The following NETO2 variants were observed in gnomAD, a reference collection of about 807,000 sequenced individuals.
NETO2 encodes neuropilin and tolloid-like protein 2.
Under a neutral mutation model 62.5 loss-of-function variants are expected in NETO2, and 28 were observed. That is an observed-to-expected ratio of 0.45 (90% CI 0.33 to 0.61). The LOEUF (loss-of-function observed/expected upper bound fraction) is 0.61, where lower values mean the gene tolerates loss of function less well. Among genes scored for constraint, NETO2 ranks in the 20% least tolerant of loss-of-function variants. NETO2 has a pLI of 0.02. For missense variants in NETO2, 548 were observed against 643.2 expected (o/e 0.85, Z 1.60); for synonymous variants, 214 against 219.1 (o/e 0.98, Z 0.21).
chr16:47,099,246 CAGACA>C (rs1246295440), intron 7 of NETO2, among the ~76,000 whole-genome samples: 1 of 152,170 alleles, frequency 6.6e-6, no homozygotes, highest in Non-Finnish European at 1.5e-5. Flanking sequence ...AAATCCTTTA[CAGACA>C]AGCAAATGCT....
intron 2 of NETO2, among the ~76,000 whole-genome samples, chr16:47,131,679 C>T (rs1022526824): frequency 1.3e-5 from 2 of 152,138 alleles, no homozygotes; most frequent in African/African-American, 4.8e-5. Context: ...TTTATTTTTG[C>T]TTAGTGATAA....
chr16:47,113,347 C>T (rs1265101785), intron 6 of NETO2, among the ~76,000 whole-genome samples: 1 of 152,156 alleles, frequency 6.6e-6, no homozygotes, highest in African/African-American at 2.4e-5. Flanking sequence ...TTCTCTTGTG[C>T]TGTCACTGTG....
intron 7 of NETO2, among the ~76,000 whole-genome samples, chr16:47,096,924 A>T (rs1413219498): frequency 6.6e-6 from 1 of 152,168 alleles, no homozygotes; most frequent in Non-Finnish European, 1.5e-5. Context: ...TCACTTGGGA[A>T]GCTCAAGGGG....
At chr16:47,096,509 A>G (rs1963430284) in intron 7 of NETO2, among the ~76,000 whole-genome samples, 1 of 152,194 alleles carries the variant, frequency 6.6e-6, no homozygotes, top group African/African-American at 2.4e-5. Context: ...AGTGAATACT[A>G]AGAACAACTG....
intron 6 of NETO2, among the ~76,000 whole-genome samples, chr16:47,120,408 TTA>T (rs1964012273): frequency 1.3e-5 from 2 of 152,206 alleles, no homozygotes; most frequent in Admixed American, 1.3e-4. Flanking sequence ...CTATATGTAT[TTA>T]TAGGGTACAT....
intron 6 of NETO2, among the ~76,000 whole-genome samples, chr16:47,116,252 C>G (rs752999119): frequency 6.6e-6 from 1 of 151,562 alleles, no homozygotes; most frequent in African/African-American, 2.4e-5. Context: ...TCCTTAACAG[C>G]TGGAACTATG....
chr16:47,142,023 C>A (rs1361214998), intron 1 of NETO2, among the ~76,000 whole-genome samples: 2 of 152,194 alleles, frequency 1.3e-5, no homozygotes, highest in African/African-American at 4.8e-5. Context: ...CGGGGGTGCT[C>A]TCGGATGCAC....
At chr16:47,101,185 A>G (rs767349270) in intron 7 of NETO2, among the ~76,000 whole-genome samples, 1 of 152,198 alleles carries the variant, frequency 6.6e-6, no homozygotes, top group African/African-American at 2.4e-5. Flanking sequence ...GAGAAAAACC[A>G]CATTATTATC....
intron 1 of NETO2, among the ~76,000 whole-genome samples, chr16:47,132,731 A>T (rs1201352810): frequency 6.6e-6 from 1 of 152,212 alleles, no homozygotes; most frequent in Admixed American, 6.5e-5. Context: ...GTCCCGAACT[A>T]CTGCGTGAAC....
chr16:47,078,205 G>T lies in NETO2; in HGVS notation c.*5016C>A, dbSNP rs1320050995. On this transcript the variant is annotated 3_prime_UTR_variant, in exon 9 of 9. Coordinates refer to ENST00000562435, the MANE Select transcript of NETO2 (RefSeq NM_018092.5). Reference sequence around the variant, plus strand: ...GATTATTGTATTTTGGAAGCTAGTGGATAGGAAATGCCAACTTTGCCCCGG... The same window carrying T: ...GATTATTGTATTTTGGAAGCTAGTGTATAGGAAATGCCAACTTTGCCCCGG... 1 of 152,208 alleles carries T rather than the reference G, an allele frequency of 6.6e-6. No homozygotes were observed. Among genetic ancestry groups the T allele is most frequent in the Admixed American group, 6.5e-5 (1 of 15,288 alleles). The allele number at this position is 152,208 out of a possible 1,614,324, so 9.4% of individuals were successfully genotyped here.
chr16:47,097,995 C>A (rs946018320), intron 7 of NETO2, among the ~76,000 whole-genome samples: 1 of 152,102 alleles, frequency 6.6e-6, no homozygotes, highest in Non-Finnish European at 1.5e-5. Flanking sequence ...ATAAAATGGG[C>A]GTCCACACAT....
Position 47,143,754 on chromosome 16 carries a change from C to G in NETO2, c.-142G>C, listed in dbSNP as rs978060010. On this transcript the variant is annotated 5_prime_UTR_variant, in exon 1 of 9. Coordinates refer to ENST00000562435, the MANE Select transcript of NETO2 (RefSeq NM_018092.5). ...TGCCTCCCCGCTCCCCTGAGGAGAG[C>G]TCAGGTCCTGCGGCCCGCCATGCCC... is the stretch of plus-strand genomic sequence containing the variant. The G allele has an allele frequency of 3.6e-6, 4 of 1,109,520 alleles. No homozygotes were observed. The highest frequency in any genetic ancestry group is 4.5e-6 in the Non-Finnish European group (4 of 884,486). The allele number at this position is 1,109,520 out of a possible 1,614,324, so 68.7% of individuals were successfully genotyped here.
intron 4 of NETO2, among the ~76,000 whole-genome samples, chr16:47,123,796 C>G (rs904931114): frequency 2.6e-5 from 4 of 152,296 alleles, no homozygotes; most frequent in Admixed American, 6.5e-5. Flanking sequence ...TTCCCGGGTT[C>G]AAGCAATTCT....
At chr16:47,122,618 T>C (rs977803408) in intron 6 of NETO2, 39 bp downstream of exon 6, 10 of 1,598,026 alleles carry the variant, frequency 6.3e-6, no homozygotes, top group Admixed American at 1.8e-5. Context: ...TGCCTTATCA[T>C]GATGTTCTTC....
chr16:47,120,779 C>T (rs1964021355), intron 6 of NETO2, among the ~76,000 whole-genome samples: 1 of 152,154 alleles, frequency 6.6e-6, no homozygotes, highest in South Asian at 2.1e-4. Flanking sequence ...ACTATTTTCT[C>T]TATTGTTTAA....
At chr16:47,095,946 A>T (rs1963419769) in intron 7 of NETO2, among the ~76,000 whole-genome samples, 3 of 152,202 alleles carry the variant, frequency 2.0e-5, no homozygotes, top group African/African-American at 7.2e-5. Context: ...AAATGACTGA[A>T]ATATAAAATT....
Position 47,080,284 on chromosome 16 carries a change from A to T in NETO2, c.*2937T>A, listed in dbSNP as rs759837075. 11 of 152,222 alleles carry T rather than the reference A, an allele frequency of 7.2e-5. No homozygotes were observed. The highest frequency in any genetic ancestry group is 1.2e-4 in the Non-Finnish European group (8 of 68,046). 9.4% of individuals were successfully genotyped at this position (152,222 alleles called of 1,614,324 possible). A position where few individuals can be genotyped will look rare whatever the true frequency, so the allele number is the denominator to read the frequency against. On this transcript the variant is annotated 3_prime_UTR_variant, in exon 9 of 9. Coordinates refer to ENST00000562435, the MANE Select transcript of NETO2 (RefSeq NM_018092.5). ...GATGGAAGATAATGGTGACAGTATT[A>T]TACAGGTATACTTAATGCTGTTTCT...
At chr16:47,100,308 A>G (rs1246698270) in intron 7 of NETO2, among the ~76,000 whole-genome samples, 2 of 152,190 alleles carry the variant, frequency 1.3e-5, no homozygotes, top group Non-Finnish European at 2.9e-5. Context: ...CAGCTAAAGC[A>G]GTGTTTAGAG....
At position 47,109,506 on chromosome 16, in the gene NETO2, A is replaced by G. The variant is rs1963744390; in HGVS notation, c.860T>C (p.Met287Thr). 1 of 1,613,966 alleles carries G rather than the reference A, an allele frequency of 6.2e-7. No homozygotes were observed. The highest frequency in any genetic ancestry group is 1.6e-4 in the Middle Eastern group (1 of 6,062). ...DEGSRLSRFR[M>T]LFTSFVEPPC... ...ACGCTCCACAAAGGAAGTAAAGAGC[A>G]TTCGAAACCTGCTAAGCCGACTACC... The change falls in exon 7 of 9, where the codon ATG (methionine) becomes ACG (threonine). Residue 287 changes from methionine to threonine, a missense_variant. By Grantham distance (81) the Met-to-Thr change is moderately conservative. Coordinates refer to ENST00000562435, the MANE Select transcript of NETO2 (RefSeq NM_018092.5).
Sources: gnomAD v4.1 joint callset for allele counts (sites outside exome capture counted in the v4.1 genomes callset) on GRCh38, gnomAD v4.1.1 for gene constraint, MANE v1.5 for transcripts, NCBI Gene and HGNC (gene_info 2026-07-23, HGNC 2026-07-21) for gene names.